RASA2: variants seen among roughly 807,000 people sequenced by gnomAD.
RASA2 encodes RAS p21 protein activator 2, also known as ras GTPase-activating protein 2.
Under a neutral mutation model 118.2 loss-of-function variants are expected in RASA2, and 155 were observed. The ratio of observed to expected loss-of-function variants is 1.31; its 90% confidence interval spans 1.15 to 1.50. The LOEUF is 1.50. Among genes scored for constraint, RASA2 ranks in the 40% most tolerant of loss-of-function variants. The pLI is 0.00. For missense variants in RASA2, 1,016 were observed against 1,009.6 expected (o/e 1.01, Z -0.09); for synonymous variants, 353 against 349.1 (o/e 1.01, Z -0.12).
At chr3:141,559,110 C>T (rs2082691618) in intron 8 of RASA2, 148 bp downstream of exon 8, 1 of 574,200 alleles carries the variant, frequency 1.7e-6, no homozygotes, top group Non-Finnish European at 3.1e-6. Context: ...TAATTTAAAT[C>T]CAGATTATCT....
rs146575721 is a variant in RASA2 at position 141,609,122 on chromosome 3, T to C, written c.2226-298T>C. The stretch of plus-strand genomic sequence containing the variant: ...AGGATCCTTAGCATTCTCTTTCTAA[T>C]TGTATGGAACAACCATTGTATTTCT... On this transcript the variant is annotated intron_variant, in intron 21 of 23. Transcript: ENST00000286364. Among the ~76,000 whole-genome samples the C allele has an allele frequency of 4.8e-3, 729 of 152,372 alleles. 8 individuals carry two copies. Among genetic ancestry groups the C allele is most frequent in the African/African-American group, 0.017 (691 of 41,596 alleles).
At chr3:141,547,095 T>C (rs1189981872) in intron 5 of RASA2, among the ~76,000 whole-genome samples, 1 of 152,158 alleles carries the variant, frequency 6.6e-6, no homozygotes, top group Non-Finnish European at 1.5e-5. Context: ...GTTTTGATTA[T>C]TATAGCTCTG....
chr3:141,533,659 A>G (rs572821442), intron 4 of RASA2, among the ~76,000 whole-genome samples: 1 of 152,320 alleles, frequency 6.6e-6, no homozygotes, highest in East Asian at 1.9e-4. Flanking sequence ...ATACTTGTCA[A>G]TAATGTTAAT....
chr3:141,571,117 A>C (rs1471575150), intron 10 of RASA2, 49 bp downstream of exon 10: 5 of 1,512,198 alleles, frequency 3.3e-6, no homozygotes, highest in Admixed American at 2.3e-5. Flanking sequence ...CGGCTAAAAT[A>C]ATTCTATAAA....
intron 14 of RASA2, among the ~76,000 whole-genome samples, chr3:141,574,760 T>C (rs2082984248): frequency 6.6e-6 from 1 of 152,192 alleles, no homozygotes; most frequent in South Asian, 2.1e-4. Context: ...CTGCATGCAT[T>C]CAGATAGTGA....
chr3:141,577,164 A>G, intron 15 of RASA2, 58 bp downstream of exon 15: 1 of 1,352,346 alleles, frequency 7.4e-7, no homozygotes, highest in Non-Finnish European at 1.0e-6. Context: ...ATTAAAATGA[A>G]GAAAAGATAA....
chr3:141,530,804 G>A (rs1357568041), intron 4 of RASA2, among the ~76,000 whole-genome samples: 9 of 151,886 alleles, frequency 5.9e-5, no homozygotes, highest in South Asian at 2.1e-4. Flanking sequence ...TAATATTCTT[G>A]TCTTTCCTTA....
chr3:141,487,498 G>C, intron 1 of RASA2, among the ~76,000 whole-genome samples: 1 of 151,868 alleles, frequency 6.6e-6, no homozygotes, highest in East Asian at 1.9e-4. Flanking sequence ...GGGCTCGGTC[G>C]TGGGGAGCGG....
At chr3:141,545,152 T>C (rs547041242) in intron 5 of RASA2, among the ~76,000 whole-genome samples, 1 of 152,226 alleles carries the variant, frequency 6.6e-6, no homozygotes, top group Non-Finnish European at 1.5e-5. Flanking sequence ...TAAAAAGAAA[T>C]TGCTCATTGA....
chr3:141,498,917 T>C (rs1414706434), intron 1 of RASA2, among the ~76,000 whole-genome samples: 1 of 152,160 alleles, frequency 6.6e-6, no homozygotes, highest in African/African-American at 2.4e-5. Flanking sequence ...GGTTTGCCAC[T>C]TGAGGAAGGG....
chr3:141,608,483 A>G lies in RASA2; in HGVS notation c.2017-6A>G, dbSNP rs550090799. 24 of 1,612,692 alleles carry G rather than the reference A, an allele frequency of 1.5e-5. No individual in the cohort carries two copies. Among genetic ancestry groups the G allele is most frequent in the South Asian group, 3.3e-5 (3 of 91,054 alleles). ...CACTAACTTTTTATCTTAATTGCCT[A>G]TGAAGATGTTCCAAGTAATACATAC... On this transcript the variant is annotated splice_region_variant and splice_polypyrimidine_tract_variant and intron_variant, in intron 20 of 23. Coordinates refer to ENST00000286364, the MANE Select transcript of RASA2 (RefSeq NM_006506.5).
intron 5 of RASA2, among the ~76,000 whole-genome samples, chr3:141,547,528 G>A (rs973514629): frequency 2.0e-5 from 3 of 152,086 alleles, no homozygotes; most frequent in African/African-American, 7.2e-5. Flanking sequence ...AAACCCCACT[G>A]ATTTTTGTTG....
At chr3:141,562,658 A>AT (rs1475276366) in intron 9 of RASA2, among the ~76,000 whole-genome samples, 1 of 150,316 alleles carries the variant, frequency 6.7e-6, no homozygotes, top group Non-Finnish European at 1.5e-5. Flanking sequence ...AACACACAAA[A>AT]AAAAACCAGA....
chr3:141,543,551 G>A (rs1327808387), intron 5 of RASA2, among the ~76,000 whole-genome samples: 1 of 151,994 alleles, frequency 6.6e-6, no homozygotes, highest in African/African-American at 2.4e-5. Flanking sequence ...GTGATTAAGT[G>A]TATAGAGTTT....
chr3:141,591,865 C>CAT (rs1477564863), intron 19 of RASA2, among the ~76,000 whole-genome samples: 3 of 151,636 alleles, frequency 2.0e-5, no homozygotes, highest in African/African-American at 7.3e-5. Context: ...TGTATTTTCA[C>CAT]ATACAGGGCT....
At chr3:141,606,901 A>G (rs1239071762) in intron 19 of RASA2, among the ~76,000 whole-genome samples, 2 of 152,196 alleles carry the variant, frequency 1.3e-5, no homozygotes, top group Admixed American at 6.5e-5. Flanking sequence ...TTCTAAGAAC[A>G]ATATTACAAA....
chr3:141,494,848 A>C (rs2081681201), intron 1 of RASA2, among the ~76,000 whole-genome samples: 1 of 152,056 alleles, frequency 6.6e-6, no homozygotes, highest in African/African-American at 2.4e-5. Flanking sequence ...TAAGGAAGTT[A>C]GCTATTATTT....
At chr3:141,596,080 T>C (rs1488861952) in intron 19 of RASA2, among the ~76,000 whole-genome samples, 2 of 152,210 alleles carry the variant, frequency 1.3e-5, no homozygotes, top group Admixed American at 1.3e-4. Context: ...CATATTCTTT[T>C]GAAATGTGCA....
chr3:141,572,061 T>TATATATATATATACAC (rs1250945462), intron 11 of RASA2, among the ~76,000 whole-genome samples: 5 of 98,266 alleles, frequency 5.1e-5, no homozygotes, highest in Non-Finnish European at 9.6e-5. Context: ...TATATATATA[T>TATATATATATATACAC]ACACACACAC....
Sources: allele counts gnomAD v4.1 joint callset (sites outside exome capture counted in the v4.1 genomes callset), GRCh38; gene constraint gnomAD v4.1.1; transcripts MANE v1.5; gene names NCBI Gene and HGNC (gene_info 2026-07-23, HGNC 2026-07-21).